The following CNTN4 variants were observed in gnomAD, a reference collection of about 807,000 sequenced individuals.
The protein encoded by CNTN4 is contactin 4.
A neutral mutation model predicts 122.5 loss-of-function variants in CNTN4; 77 were observed. The ratio of observed to expected loss-of-function variants is 0.63; its 90% CI spans 0.52 to 0.76. The LOEUF (loss-of-function observed/expected upper bound fraction) is 0.76, where lower values mean the gene tolerates loss of function less well. CNTN4 is among the 30% of genes least tolerant of loss of function. The pLI, the probability that CNTN4 is intolerant of heterozygous loss-of-function variation, is 0.00. For missense variants in CNTN4, 1,256 were observed against 1,259.1 expected, an observed-to-expected ratio of 1.00 and a Z score of 0.04; for synonymous variants, 512 against 447.0, an observed-to-expected ratio of 1.15 and a Z score of -1.83.
At chr3:2,353,569 C>T (rs1575442213) in intron 3 of CNTN4, among the ~76,000 whole-genome samples, 3 of 152,010 alleles carry the variant, frequency 2.0e-5, no homozygotes, top group African/African-American at 7.2e-5. Flanking sequence ...CCAGCGAGAC[C>T]ACGAACCCAC....
intron 2 of CNTN4, among the ~76,000 whole-genome samples, chr3:2,272,024 G>C (rs758415849): frequency 6.6e-6 from 1 of 152,108 alleles, no homozygotes; most frequent in Non-Finnish European, 1.5e-5. Context: ...TTGTAAAACA[G>C]TATTTCAGTA....
intron 2 of CNTN4, among the ~76,000 whole-genome samples, chr3:2,280,079 A>T (rs928654256): frequency 5.9e-5 from 9 of 151,384 alleles, no homozygotes; most frequent in Non-Finnish European, 5.9e-5. Context: ...TTTCTTGAAC[A>T]TCAGATATAT....
At chr3:2,125,714 T>C (rs895992980) in intron 2 of CNTN4, among the ~76,000 whole-genome samples, 2 of 151,738 alleles carry the variant, frequency 1.3e-5, no homozygotes, top group Admixed American at 6.6e-5. Context: ...CCTGCCACCA[T>C]GCCCGGCAAA....
intron 3 of CNTN4, among the ~76,000 whole-genome samples, chr3:2,449,707 T>C (rs535993275): frequency 1.3e-5 from 2 of 152,142 alleles, no homozygotes; most frequent in South Asian, 4.1e-4. Context: ...TATTGCTGGA[T>C]CAAATGGTAG....
In CNTN4 at chr3:2,431,585, A is replaced by G. The variant is rs190929957; in HGVS notation, c.-89+92352A>G. Among the ~76,000 whole-genome samples, 217 of 152,300 alleles carry G rather than the reference A, an allele frequency of 1.4e-3. 2 individuals carry two copies. The highest frequency in any genetic ancestry group is 4.1e-4 in the Non-Finnish European group (28 of 68,020). ...TTCCGTGGAATAGATAAGAGGAACCATAATTAATCCAATCAACTCAGAGGG... is the reference window on the plus strand; with the variant it reads ...TTCCGTGGAATAGATAAGAGGAACCGTAATTAATCCAATCAACTCAGAGGG... On this transcript the variant is annotated intron_variant, in intron 3 of 24. Coordinates refer to ENST00000418658, the MANE Select transcript of CNTN4 (RefSeq NM_175607.3).
chr3:2,418,303 G>GA (rs1239191395), intron 3 of CNTN4, among the ~76,000 whole-genome samples: 1 of 151,184 alleles, frequency 6.6e-6, no homozygotes, highest in Non-Finnish European at 1.5e-5. Flanking sequence ...AAGCTGCCTA[G>GA]AAAAAATAAA....
At chr3:2,762,960 T>G (rs1230421768) in intron 6 of CNTN4, among the ~76,000 whole-genome samples, 1 of 90,856 alleles carries the variant, frequency 1.1e-5, no homozygotes. Context: ...TTTTTTTTTT[T>G]AGACTGAGTC....
At chr3:2,498,400 C>T (rs1485606748) in intron 3 of CNTN4, among the ~76,000 whole-genome samples, 4 of 152,148 alleles carry the variant, frequency 2.6e-5, no homozygotes, top group Admixed American at 2.6e-4. Flanking sequence ...ATGAGTGATG[C>T]AGTTTCTCCA....
At chr3:2,692,832 A>T (rs1050164257) in intron 4 of CNTN4, among the ~76,000 whole-genome samples, 3 of 152,124 alleles carry the variant, frequency 2.0e-5, no homozygotes, top group African/African-American at 7.2e-5. Context: ...TTATTTTAGC[A>T]TTTCTTTACC....
At chr3:2,716,598 T>C (rs915853966) in intron 4 of CNTN4, among the ~76,000 whole-genome samples, 30 of 152,294 alleles carry the variant, frequency 2.0e-4, no homozygotes, top group Admixed American at 1.1e-3. Flanking sequence ...TTATTTTTAT[T>C]GGAGAAGAGA....
chr3:2,595,681 G>T (rs947018965), intron 4 of CNTN4, among the ~76,000 whole-genome samples: 1 of 152,114 alleles, frequency 6.6e-6, no homozygotes, highest in African/African-American at 2.4e-5. Context: ...GCTGAGCTTG[G>T]GTGTAGCCCC....
At chr3:2,785,905 G>GC (rs1293675974) in intron 6 of CNTN4, among the ~76,000 whole-genome samples, 10 of 46,972 alleles carry the variant, frequency 2.1e-4, no homozygotes, top group South Asian at 6.8e-4. Context: ...GCCCCCCCCC[G>GC]CCCCCCCATC....
At chr3:2,541,374 G>C (rs886770099) in intron 3 of CNTN4, among the ~76,000 whole-genome samples, 1 of 152,038 alleles carries the variant, frequency 6.6e-6, no homozygotes, top group Non-Finnish European at 1.5e-5. Context: ...TATGCCAACA[G>C]ATCCTCTCAG....
chr3:2,153,374 A>G (rs999750015), intron 2 of CNTN4, among the ~76,000 whole-genome samples: 1 of 152,196 alleles, frequency 6.6e-6, no homozygotes. Flanking sequence ...AACAATATCT[A>G]GGAGGAGGAA....
rs147850752 is a variant in CNTN4 at position 2,179,451 on chromosome 3, T to C, written c.-145+78812T>C. ...TGTACCTCCAATGAAGTTGAGATAATAAACTTCAACTTCCAGCATGGATGA... is the reference window on the plus strand; with the variant it reads ...TGTACCTCCAATGAAGTTGAGATAACAAACTTCAACTTCCAGCATGGATGA... On this transcript the variant is annotated intron_variant, in intron 2 of 24. Coordinates refer to ENST00000418658, the MANE Select transcript of CNTN4 (RefSeq NM_175607.3). Among the ~76,000 whole-genome samples, 376 of 152,068 alleles carry C rather than the reference T, an allele frequency of 2.5e-3. 2 individuals carry two copies. The highest frequency in any genetic ancestry group is 4.0e-3 in the Non-Finnish European group (269 of 67,896).
chr3:2,814,566 C>G (rs188782304), intron 6 of CNTN4, among the ~76,000 whole-genome samples: 313 of 152,346 alleles, frequency 2.1e-3, no homozygotes, highest in African/African-American at 6.7e-3. Context: ...ACCCATCACA[C>G]TATGTGTTGA....
intron 4 of CNTN4, among the ~76,000 whole-genome samples, chr3:2,717,082 A>G (rs1462934442): frequency 6.6e-6 from 1 of 152,138 alleles, no homozygotes; most frequent in Non-Finnish European, 1.5e-5. Context: ...ACACTTGTGT[A>G]AAAGTGTTTA....
chr3:2,133,192 A>G (rs1159405885), intron 2 of CNTN4, among the ~76,000 whole-genome samples: 1 of 152,160 alleles, frequency 6.6e-6, no homozygotes, highest in African/African-American at 2.4e-5. Context: ...TCTGTAATTA[A>G]TTCTAGCTTT....
chr3:2,834,290 C>T (rs1229183288), intron 7 of CNTN4, among the ~76,000 whole-genome samples: 1 of 152,124 alleles, frequency 6.6e-6, no homozygotes, highest in Non-Finnish European at 1.5e-5. Context: ...TGTGGCCAGG[C>T]ATAGTGGCTC....
Sources: allele counts gnomAD v4.1 joint callset (sites outside exome capture counted in the v4.1 genomes callset), GRCh38; gene constraint gnomAD v4.1.1; transcripts MANE v1.5; gene names NCBI Gene and HGNC (gene_info 2026-07-23, HGNC 2026-07-21).